XYLT1: variants seen among roughly 807,000 people sequenced by gnomAD.
XYLT1 encodes the protein beta-D-xylosyltransferase 1.
A neutral mutation model predicts 91.3 loss-of-function variants in XYLT1; 36 were observed. That is an observed-to-expected ratio of 0.39 (90% CI 0.30 to 0.52). The LOEUF (loss-of-function observed/expected upper bound fraction) is 0.52, where lower values mean the gene tolerates loss of function less well. XYLT1 is among the 20% of genes least tolerant of loss of function. The pLI is 0.68. For synonymous variants in XYLT1, 588 were observed against 532.0 expected (o/e 1.11, Z -1.45); for missense variants, 1,242 against 1,284.5 (o/e 0.97, Z 0.51).
intron 3 of XYLT1, among the ~76,000 whole-genome samples, chr16:17,244,597 C>T (rs138015690): frequency 2.7e-4 from 41 of 152,308 alleles, no homozygotes; most frequent in African/African-American, 8.9e-4. Flanking sequence ...CAGCCAGTCT[C>T]AACTCAGGAT....
chr16:17,464,821 G>T (rs1048407018), intron 1 of XYLT1, among the ~76,000 whole-genome samples: 1 of 151,938 alleles, frequency 6.6e-6, no homozygotes, highest in Non-Finnish European at 1.5e-5. Flanking sequence ...AACTTTTTAG[G>T]AATCTGCAAC....
chr16:17,249,665 T>G (rs912837456), intron 3 of XYLT1: 2 of 152,206 alleles, frequency 1.3e-5, no homozygotes, highest in Non-Finnish European at 2.9e-5. Context: ...TTTGTTTGTT[T>G]GTTTGTTTGT....
chr16:17,300,452 C>CTTTTCTT (rs2034376983), intron 2 of XYLT1, among the ~76,000 whole-genome samples: 1 of 64,842 alleles, frequency 1.5e-5, no homozygotes, highest in Non-Finnish European at 2.7e-5. Context: ...TTCATTCTTT[C>CTTTTCTT]TTTTTTTTTT....
chr16:17,294,943 C>T (rs1168545162), intron 2 of XYLT1, among the ~76,000 whole-genome samples: 1 of 152,170 alleles, frequency 6.6e-6, no homozygotes, highest in Admixed American at 6.5e-5. Context: ...AAACCCTTGC[C>T]TTCACAGAAC....
chr16:17,328,473 C>T (rs765881594), intron 2 of XYLT1, among the ~76,000 whole-genome samples: 72 of 136,218 alleles, frequency 5.3e-4, no homozygotes, highest in Non-Finnish European at 8.2e-4. Context: ...CGCTTGAGCC[C>T]AGGAGGTGGA....
intron 1 of XYLT1, among the ~76,000 whole-genome samples, chr16:17,466,857 C>T (rs1237541446): frequency 6.6e-6 from 1 of 151,728 alleles, no homozygotes; most frequent in Non-Finnish European, 1.5e-5. Context: ...TGTAATGCGT[C>T]GCTCAAACAA....
At chr16:17,221,332 A>G (rs2032964234) in intron 3 of XYLT1, among the ~76,000 whole-genome samples, 2 of 152,186 alleles carry the variant, frequency 1.3e-5, no homozygotes, top group Admixed American at 1.3e-4. Context: ...AGCACTTACT[A>G]TATGCCGGGC....
chr16:17,402,729 CT>C (rs34157222), intron 1 of XYLT1, among the ~76,000 whole-genome samples: 83 of 146,442 alleles, frequency 5.7e-4, no homozygotes, highest in African/African-American at 1.9e-3. Flanking sequence ...TTACTATATC[CT>C]TTTTTTTCTT....
At chr16:17,444,512 C>CTT (rs56872670) in intron 1 of XYLT1, among the ~76,000 whole-genome samples, 47,364 of 143,578 alleles carry the variant, frequency 0.33, 8,607 homozygotes, top group African/African-American at 0.47. Context: ...ACTTCTTCTT[C>CTT]TTTTTTTTTT....
chr16:17,178,178 G>A (rs1416524095), intron 5 of XYLT1, among the ~76,000 whole-genome samples: 3 of 152,082 alleles, frequency 2.0e-5, no homozygotes, highest in Non-Finnish European at 2.9e-5. Flanking sequence ...CCTCTCGGCC[G>A]CCCCTGGTCA....
intron 2 of XYLT1, among the ~76,000 whole-genome samples, chr16:17,292,770 T>G (rs1230461669): frequency 6.6e-6 from 1 of 152,224 alleles, no homozygotes; most frequent in Non-Finnish European, 1.5e-5. Context: ...ACACATGGTC[T>G]TTCAGAAACA....
At chr16:17,285,349 G>A (rs973097621) in intron 2 of XYLT1, among the ~76,000 whole-genome samples, 1 of 152,190 alleles carries the variant, frequency 6.6e-6, no homozygotes, top group Non-Finnish European at 1.5e-5. Context: ...GTAATTTAAA[G>A]CATCCCGGAA....
intron 1 of XYLT1, among the ~76,000 whole-genome samples, chr16:17,386,380 G>T (rs1313774816): frequency 6.6e-6 from 1 of 152,150 alleles, no homozygotes; most frequent in Non-Finnish European, 1.5e-5. Context: ...AAGAGCTGGA[G>T]GCGGGGAGGT....
At chr16:17,221,401 C>T (rs753145997) in intron 3 of XYLT1, among the ~76,000 whole-genome samples, 8 of 152,106 alleles carry the variant, frequency 5.3e-5, no homozygotes, top group East Asian at 1.9e-4. Flanking sequence ...TCCAGTTCAT[C>T]GTCTCAAAAC....
At chr16:17,324,726 T>C (rs2141832999) in intron 2 of XYLT1, among the ~76,000 whole-genome samples, 1 of 152,294 alleles carries the variant, frequency 6.6e-6, no homozygotes, top group South Asian at 2.1e-4. Flanking sequence ...ATTCATAGGA[T>C]TCTATTTAAT....
chr16:17,382,708 G>C (rs2035696729), intron 1 of XYLT1, among the ~76,000 whole-genome samples: 1 of 151,780 alleles, frequency 6.6e-6, no homozygotes, highest in African/African-American at 2.4e-5. Flanking sequence ...GGATACTGAG[G>C]GCCATGTGGA....
chr16:17,309,711 G>A (rs929383095), intron 2 of XYLT1, among the ~76,000 whole-genome samples: 25 of 152,188 alleles, frequency 1.6e-4, no homozygotes, highest in African/African-American at 4.6e-4. Context: ...TGCCTTCAAA[G>A]GGATTCTTTG....
intron 5 of XYLT1, among the ~76,000 whole-genome samples, chr16:17,161,898 G>A (rs147486219): frequency 6.6e-6 from 1 of 152,222 alleles, no homozygotes; most frequent in African/African-American, 2.4e-5. Flanking sequence ...CACCATGGGA[G>A]TCACTGGGAA....
chr16:17,241,944 C>T (rs895042437), intron 3 of XYLT1, among the ~76,000 whole-genome samples: 7 of 152,162 alleles, frequency 4.6e-5, no homozygotes, highest in African/African-American at 1.7e-4. Context: ...GCGGGGAAGA[C>T]CTCACAAGTA....
Sources: gnomAD v4.1 joint callset for allele counts (sites outside exome capture counted in the v4.1 genomes callset) on GRCh38, gnomAD v4.1.1 for gene constraint, MANE v1.5 for transcripts, NCBI Gene and HGNC (gene_info 2026-07-23, HGNC 2026-07-21) for gene names.